PARP15: variants seen among roughly 807,000 people sequenced by gnomAD.
PARP15 encodes the protein poly(ADP-ribose) polymerase family member 15.
A neutral mutation model predicts 62.1 loss-of-function variants in PARP15; 50 were observed. That is an observed-to-expected ratio of 0.81 (90% CI 0.64 to 1.02). The LOEUF is 1.02. PARP15 is among the 50% of genes least tolerant of loss of function. The pLI, the probability that PARP15 is intolerant of heterozygous loss-of-function variation, is 0.00. For missense variants in PARP15, 820 were observed against 826.5 expected, an observed-to-expected ratio of 0.99 and a Z score of 0.10; for synonymous variants, 309 against 293.1, an observed-to-expected ratio of 1.05 and a Z score of -0.55.
chr3:122,589,438 G>A (rs1036290068), intron 1 of PARP15, among the ~76,000 whole-genome samples: 3 of 151,940 alleles, frequency 2.0e-5, no homozygotes, highest in Non-Finnish European at 4.4e-5. Flanking sequence ...ACGCCTCTTG[G>A]GTATATACCT....
rs2080705207 is a variant in PARP15, at chr3:122,577,709, A to T, written c.42A>T (p.Pro14=). ...PGPLPAAALS[P]GAPTPRELMH... The stretch of plus-strand genomic sequence containing the variant: ...CCCTTCCTGCCGCTGCTCTGAGTCC[A>T]GGGGCTCCGACCCCCAGAGAACTTA... The change falls in exon 1 of 12, where the codon CCA becomes CCT. Residue 14 remains proline, a synonymous_variant. Coordinates refer to ENST00000464300, the MANE Select transcript of PARP15 (RefSeq NM_001113523.3). 11 of 1,551,674 alleles carry T rather than the reference A, an allele frequency of 7.1e-6. No homozygotes were observed. The highest frequency in any genetic ancestry group is 9.6e-6 in the Non-Finnish European group (11 of 1,146,962).
chr3:122,603,331 A>G (rs538622390), intron 1 of PARP15, among the ~76,000 whole-genome samples: 5 of 152,134 alleles, frequency 3.3e-5, no homozygotes, highest in Non-Finnish European at 7.4e-5. Flanking sequence ...GCAGGTCTAC[A>G]ACCACCCAGC....
At chr3:122,588,747 C>G (rs1057421007) in intron 1 of PARP15, among the ~76,000 whole-genome samples, 1 of 152,184 alleles carries the variant, frequency 6.6e-6, no homozygotes, top group Non-Finnish European at 1.5e-5. Flanking sequence ...TCCTCCTCCC[C>G]CAAACTCTGG....
At chr3:122,604,910 C>T (rs1047935138) in intron 1 of PARP15, among the ~76,000 whole-genome samples, 1 of 151,868 alleles carries the variant, frequency 6.6e-6, no homozygotes, top group Non-Finnish European at 1.5e-5. Flanking sequence ...GTGGTGTGCA[C>T]CTGTAATCCC....
At chr3:122,608,213 C>CTTTTTTTTT (rs71136576) in intron 2 of PARP15, among the ~76,000 whole-genome samples, 73 of 113,896 alleles carry the variant, frequency 6.4e-4, no homozygotes, top group Non-Finnish European at 7.7e-4. Flanking sequence ...TTTCTCTTTT[C>CTTTTTTTTT]TTTTTTTTTT....
chr3:122,632,171 C>A lies in PARP15; in HGVS notation c.1524C>A (p.Thr508=), dbSNP rs753089515. 3 of 1,613,774 alleles carry A rather than the reference C, an allele frequency of 1.9e-6. No individual in the cohort carries two copies. Among genetic ancestry groups the A allele is most frequent in the Non-Finnish European group, 2.5e-6 (3 of 1,179,778 alleles). Reference sequence around the variant, plus strand: ...AGCCAGGACAATCAGAATATAATACCATAAAGGACAAGTTCACCCGAACTT... The same window carrying A: ...AGCCAGGACAATCAGAATATAATACAATAAAGGACAAGTTCACCCGAACTT... ...QLEPGQSEYN[T]IKDKFTRTCS... Residue 508 remains threonine, a synonymous_variant, in exon 10 of 12, where the codon ACC becomes ACA. Transcript: ENST00000464300.
chr3:122,583,999 C>T (rs1576472315), intron 1 of PARP15, among the ~76,000 whole-genome samples: 1 of 152,056 alleles, frequency 6.6e-6, no homozygotes, highest in African/African-American at 2.4e-5. Context: ...TTGTGGCTTG[C>T]ACCGCTCTCC....
At chr3:122,627,418 A>C (rs1318440715) in intron 9 of PARP15, among the ~76,000 whole-genome samples, 1 of 152,072 alleles carries the variant, frequency 6.6e-6, no homozygotes, top group East Asian at 1.9e-4. Flanking sequence ...CCCTATAGAC[A>C]TGTTAGCCTG....
chr3:122,610,110 C>A (rs1481275943), intron 2 of PARP15, among the ~76,000 whole-genome samples: 1 of 152,174 alleles, frequency 6.6e-6, no homozygotes, highest in Non-Finnish European at 1.5e-5. Flanking sequence ...CTGTCTCAAT[C>A]TTTCTGTGTT....
intron 11 of PARP15, among the ~76,000 whole-genome samples, chr3:122,635,489 G>A (rs1250529708): frequency 1.3e-5 from 2 of 151,692 alleles, no homozygotes; most frequent in Non-Finnish European, 2.9e-5. Flanking sequence ...GCTCACTGCA[G>A]CCTTGATCTC....
At chr3:122,578,051 G>GT (rs765157695) in intron 1 of PARP15, among the ~76,000 whole-genome samples, 198 bp downstream of exon 1, 1,198 of 58,800 alleles carry the variant, frequency 0.02, 7 homozygotes, top group African/African-American at 0.033. Context: ...ATTTCTGGTG[G>GT]TTTTTTTTTT....
chr3:122,606,449 C>G (rs1213618852), intron 2 of PARP15, among the ~76,000 whole-genome samples: 1 of 152,194 alleles, frequency 6.6e-6, no homozygotes, highest in Non-Finnish European at 1.5e-5. Context: ...CCTGCCTGAG[C>G]ACTTTGCAGA....
intron 9 of PARP15, among the ~76,000 whole-genome samples, chr3:122,628,645 A>G (rs113068774): frequency 5.9e-5 from 9 of 152,346 alleles, no homozygotes; most frequent in South Asian, 2.1e-4. Context: ...GTGTAGTTGA[A>G]GAGAGAAGCA....
rs911243190 is a variant in PARP15 at position 122,638,928 on chromosome 3, T to A, written c.*2828T>A. On this transcript the variant is annotated 3_prime_UTR_variant, in exon 12 of 12. Transcript: ENST00000464300. ...CTGCTTTATATCTTTCCCTATTTTA[T>A]GTATATAGAATTATAAAGTTTTTAA... 6.6e-6 allele frequency: 1 copy of A among 152,204 alleles called. No individual in the cohort carries two copies. Among genetic ancestry groups the A allele is most frequent in the Non-Finnish European group, 1.5e-5 (1 of 68,042 alleles). The allele number at this position is 152,204 out of a possible 1,614,324, so 9.4% of individuals were successfully genotyped here.
rs553006857 is a variant in PARP15 at position 122,608,829 on chromosome 3, G to A, written c.307-1665G>A. ...GTCACCTAGGCTGGAGTGCAGTGGCGCAGTCACGGTTCACTGCAGTCTCAA... is the reference window on the plus strand; with the variant it reads ...GTCACCTAGGCTGGAGTGCAGTGGCACAGTCACGGTTCACTGCAGTCTCAA... On this transcript the variant is annotated intron_variant, in intron 2 of 11. Transcript: ENST00000464300. Among the ~76,000 whole-genome samples the A allele has an allele frequency of 1.3e-4, 20 of 150,058 alleles. No individual in the cohort carries two copies. In the East Asian group the frequency reaches 1.6e-3, roughly 12 times the overall value.
chr3:122,637,698 G>A lies in PARP15; in HGVS notation c.*1598G>A, dbSNP rs1441720943. On this transcript the variant is annotated 3_prime_UTR_variant, in exon 12 of 12. Coordinates refer to ENST00000464300, the MANE Select transcript of PARP15 (RefSeq NM_001113523.3). ...GGGAAAACCACTGCCAATTTCTCAT[G>A]TCTCCCTTCCAGTTTCTTCTCTGTC... 1 of 152,126 alleles carries A rather than the reference G, an allele frequency of 6.6e-6. No individual in the cohort carries two copies. The highest frequency in any genetic ancestry group is 6.5e-5 in the Admixed American group (1 of 15,270). The allele number at this position is 152,126 out of a possible 1,614,324, so 9.4% of individuals were successfully genotyped here. A position where few individuals can be genotyped will look rare whatever the true frequency, so the allele number is the denominator to read the frequency against.
At chr3:122,605,605 G>A (rs749683949) in intron 1 of PARP15, among the ~76,000 whole-genome samples, 6 of 151,952 alleles carry the variant, frequency 3.9e-5, no homozygotes, top group Non-Finnish European at 5.9e-5. Flanking sequence ...ACAGGGTCTC[G>A]CTTTGTTACG....
chr3:122,599,908 G>A (rs1163294981), intron 1 of PARP15, among the ~76,000 whole-genome samples: 3 of 152,236 alleles, frequency 2.0e-5, no homozygotes, highest in Admixed American at 6.5e-5. Context: ...TATCTCACAG[G>A]CTCATTGTTA....
intron 1 of PARP15, among the ~76,000 whole-genome samples, chr3:122,582,437 A>G (rs1933029559): frequency 1.3e-5 from 2 of 152,176 alleles, no homozygotes; most frequent in Non-Finnish European, 2.9e-5. Context: ...TCAGCCTCCC[A>G]AAGTGTTGAG....
Sources: allele counts gnomAD v4.1 joint callset (sites outside exome capture counted in the v4.1 genomes callset), GRCh38; gene constraint gnomAD v4.1.1; transcripts MANE v1.5; gene names NCBI Gene and HGNC (gene_info 2026-07-23, HGNC 2026-07-21).